Variants in ATRNL1 observed in about 807,000 individuals in gnomAD.
ATRNL1 encodes the protein attractin like 1, also known as attractin-like protein 1.
Under a neutral mutation model 182.7 loss-of-function variants are expected in ATRNL1, and 95 were observed. The observed-to-expected ratio is 0.52, with a 90% confidence interval of 0.44 to 0.62. The LOEUF (loss-of-function observed/expected upper bound fraction) is 0.62. Among genes scored for constraint, ATRNL1 ranks in the 20% least tolerant of loss-of-function variants. The pLI, the probability that ATRNL1 is intolerant of heterozygous loss-of-function variation, is 0.00. For synonymous variants in ATRNL1, 576 were observed against 568.3 expected (o/e 1.01, Z -0.19); for missense variants, 1,471 against 1,679.5 (o/e 0.88, Z 2.17).
At chr10:115,803,587 G>A (rs1377200179) in intron 27 of ATRNL1, among the ~76,000 whole-genome samples, 3 of 143,922 alleles carry the variant, frequency 2.1e-5, no homozygotes, top group African/African-American at 7.6e-5. Context: ...TTAGAAGTTT[G>A]GGTTTTTTTG....
chr10:115,469,151 TTTAAA>T lies in ATRNL1; in HGVS notation c.3497-17_3497-13del. ...TAAAGATATTTCCTAATATTAATTATTTAAATTATTTACATTTTAGCTGGAACAAT... is the reference window on the plus strand; with the variant it reads ...TAAAGATATTTCCTAATATTAATTATTTATTTACATTTTAGCTGGAACAAT... On this transcript the variant is annotated splice_polypyrimidine_tract_variant and intron_variant, in intron 23 of 28. Coordinates refer to ENST00000355044, the MANE Select transcript of ATRNL1 (RefSeq NM_207303.4). 1 of 983,034 alleles carries T rather than the reference TTTAAA, an allele frequency of 1.0e-6. No individual in the cohort carries two copies. Among genetic ancestry groups the T allele is most frequent in the South Asian group, 3.2e-5 (1 of 30,856 alleles). 60.9% of individuals were successfully genotyped at this position (983,034 alleles called of 1,614,324 possible). A position where few individuals can be genotyped will look rare whatever the true frequency, so the allele number is the denominator to read the frequency against.
chr10:115,873,190 T>C (rs1223220273), intron 28 of ATRNL1, among the ~76,000 whole-genome samples: 1 of 152,222 alleles, frequency 6.6e-6, no homozygotes, highest in Non-Finnish European at 1.5e-5. Flanking sequence ...CTTCTACCTG[T>C]ACTGTCAGCA....
At chr10:115,245,803 T>G (rs1850612581) in intron 10 of ATRNL1, among the ~76,000 whole-genome samples, 1 of 152,154 alleles carries the variant, frequency 6.6e-6, no homozygotes. Context: ...CTCTATGCAC[T>G]TCGTTAAATT....
At chr10:115,562,929 G>A (rs924835431) in intron 26 of ATRNL1, among the ~76,000 whole-genome samples, 1 of 152,074 alleles carries the variant, frequency 6.6e-6, no homozygotes, top group African/African-American at 2.4e-5. Flanking sequence ...AAATGCAAAG[G>A]ACCCTAAATA....
chr10:115,333,593 T>C, intron 18 of ATRNL1, among the ~76,000 whole-genome samples: 1 of 151,668 alleles, frequency 6.6e-6, no homozygotes, highest in East Asian at 1.9e-4. Flanking sequence ...AAGCGAATTC[T>C]CCTGCCTCAG....
chr10:115,176,843 G>T (rs1847529802), intron 8 of ATRNL1, among the ~76,000 whole-genome samples: 1 of 152,016 alleles, frequency 6.6e-6, no homozygotes, highest in Admixed American at 6.6e-5. Flanking sequence ...AAGTTTTAGA[G>T]CAGGAATTCT....
At chr10:115,601,243 C>A (rs940631018) in intron 26 of ATRNL1, among the ~76,000 whole-genome samples, 2 of 152,084 alleles carry the variant, frequency 1.3e-5, no homozygotes, top group African/African-American at 4.8e-5. Context: ...ATGTAGACCA[C>A]ATACGTAGAC....
At chr10:115,876,838 C>A (rs1589636735) in intron 28 of ATRNL1, among the ~76,000 whole-genome samples, 1 of 152,216 alleles carries the variant, frequency 6.6e-6, no homozygotes, top group East Asian at 1.9e-4. Context: ...ATAAATCTAC[C>A]ATGTTTTAAT....
intron 26 of ATRNL1, among the ~76,000 whole-genome samples, chr10:115,604,758 C>G (rs563605040): frequency 1.3e-4 from 20 of 152,226 alleles, no homozygotes; most frequent in Non-Finnish European, 2.6e-4. Flanking sequence ...TGCTTCTCTG[C>G]CTATTGTCTA....
chr10:115,116,033 C>A (rs1379536985), intron 1 of ATRNL1, among the ~76,000 whole-genome samples: 2 of 152,058 alleles, frequency 1.3e-5, no homozygotes, highest in Non-Finnish European at 2.9e-5. Context: ...AAGTGATTGG[C>A]AAACTTTTTC....
intron 28 of ATRNL1, among the ~76,000 whole-genome samples, chr10:115,927,305 T>C (rs1483089921): frequency 6.6e-6 from 1 of 152,172 alleles, no homozygotes; most frequent in East Asian, 1.9e-4. Context: ...AATATCATAT[T>C]GAATGGGCAA....
chr10:115,671,631 G>T (rs1226035364), intron 26 of ATRNL1, among the ~76,000 whole-genome samples: 1 of 152,122 alleles, frequency 6.6e-6, no homozygotes, highest in African/African-American at 2.4e-5. Flanking sequence ...TAAGGACAAA[G>T]ATGAGAGCAT....
chr10:115,670,110 A>C (rs193281713), intron 26 of ATRNL1, among the ~76,000 whole-genome samples: 39 of 152,156 alleles, frequency 2.6e-4, no homozygotes, highest in Middle Eastern at 3.4e-3. Context: ...TCTGTTTCTT[A>C]CTTGCTTTTA....
intron 8 of ATRNL1, among the ~76,000 whole-genome samples, chr10:115,188,331 A>C (rs1403874520): frequency 1.3e-5 from 2 of 152,190 alleles, no homozygotes; most frequent in Non-Finnish European, 2.9e-5. Context: ...TTGCTGTGGC[A>C]GTAAAGGAAA....
intron 26 of ATRNL1, among the ~76,000 whole-genome samples, chr10:115,685,404 C>T (rs1382518490): frequency 3.3e-5 from 5 of 151,626 alleles, no homozygotes; most frequent in Admixed American, 6.6e-5. Flanking sequence ...ATGACTACCT[C>T]GTGGATTGTT....
At chr10:115,328,225 T>TA (rs1433963867) in intron 18 of ATRNL1, among the ~76,000 whole-genome samples, 1 of 152,158 alleles carries the variant, frequency 6.6e-6, no homozygotes, top group African/African-American at 2.4e-5. Flanking sequence ...AGAAAAATCT[T>TA]ACTTTAGTAA....
rs75358202 is a variant in ATRNL1, at chr10:115,236,247, C to T, written c.1533-5324C>T. ...TTTAAAAACTAAGATTAGAGAACTA[C>T]GCATATATCCATTTATATCCTCTAT... On this transcript the variant is annotated intron_variant, in intron 9 of 28. Transcript: ENST00000355044. Among the ~76,000 whole-genome samples, 6 of 152,262 alleles carry T rather than the reference C, an allele frequency of 3.9e-5. No homozygotes were observed. The East Asian group carries it at 5.8e-4, about 15-fold the overall frequency.
intron 27 of ATRNL1, among the ~76,000 whole-genome samples, chr10:115,826,396 G>C (rs1555091989): frequency 6.6e-6 from 1 of 152,014 alleles, no homozygotes; most frequent in African/African-American, 2.4e-5. Context: ...TGTTCAGCAA[G>C]CAAGAGGGAG....
intron 26 of ATRNL1, among the ~76,000 whole-genome samples, chr10:115,602,601 T>C (rs11197330): frequency 0.49 from 74,965 of 151,922 alleles, 19,416 homozygotes; most frequent in African/African-American, 0.6. Flanking sequence ...CAGTGGCTCA[T>C]GCCTGTAATC....
Sources: gnomAD v4.1 joint callset for allele counts (sites outside exome capture counted in the v4.1 genomes callset) on GRCh38, gnomAD v4.1.1 for gene constraint, MANE v1.5 for transcripts, NCBI Gene and HGNC (gene_info 2026-07-23, HGNC 2026-07-21) for gene names.